Variants in RPS6KA2 observed in about 807,000 individuals in gnomAD.
RPS6KA2 encodes ribosomal protein S6 kinase alpha-2.
A neutral mutation model predicts 91.8 loss-of-function variants in RPS6KA2; 42 were observed. The observed-to-expected ratio is 0.46, with a 90% CI of 0.36 to 0.59. RPS6KA2 has a LOEUF of 0.59. Ranked by LOEUF, RPS6KA2 falls within the 20% of genes least tolerant of loss-of-function variation. The pLI is 0.00. For synonymous variants in RPS6KA2, 414 were observed against 393.6 expected, an observed-to-expected ratio of 1.05 and a Z score of -0.61; for missense variants, 798 against 978.5, an observed-to-expected ratio of 0.82 and a Z score of 2.46.
intron 8 of RPS6KA2, among the ~76,000 whole-genome samples, chr6:166,496,512 A>C (rs1365147453): frequency 6.6e-6 from 1 of 152,074 alleles, no homozygotes; most frequent in East Asian, 1.9e-4. Flanking sequence ...CACAAAACTA[A>C]GTCCAGTTGG....
At chr6:166,663,702 C>T (rs542937607) in intron 2 of RPS6KA2, among the ~76,000 whole-genome samples, 11 of 152,254 alleles carry the variant, frequency 7.2e-5, no homozygotes, top group South Asian at 2.1e-4. Flanking sequence ...CACCCTATCC[C>T]GGAAGGGCCT....
At chr6:166,719,659 A>G (rs1346467539) in intron 2 of RPS6KA2, among the ~76,000 whole-genome samples, 1 of 152,276 alleles carries the variant, frequency 6.6e-6, no homozygotes, top group Non-Finnish European at 1.5e-5. Context: ...CAAAGGAATG[A>G]TTAAATGAAT....
At chr6:166,772,146 A>C (rs942205791) in intron 2 of RPS6KA2, among the ~76,000 whole-genome samples, 1 of 152,192 alleles carries the variant, frequency 6.6e-6, no homozygotes, top group Admixed American at 6.5e-5. Flanking sequence ...TGGTGAGCCT[A>C]TGTGGGGTTT....
Position 166,607,655 on chromosome 6 carries a change from C to T in RPS6KA2, c.99+19266G>A, listed in dbSNP as rs557575606. Among the ~76,000 whole-genome samples, 8 of 151,948 alleles carry T rather than the reference C, an allele frequency of 5.3e-5. No individual in the cohort carries two copies. In the East Asian group the frequency reaches 5.8e-4, roughly 11 times the overall value. On this transcript the variant is annotated intron_variant, in intron 1 of 20. Coordinates refer to ENST00000265678, the MANE Select transcript of RPS6KA2 (RefSeq NM_021135.6). ...GGGGACAGGGTTCTGTTCTGAAGGA[C>T]GAAAACATTACAGATGTGGTAACAG...
intron 2 of RPS6KA2, among the ~76,000 whole-genome samples, chr6:166,813,415 A>C (rs1277460726): frequency 6.6e-6 from 1 of 152,204 alleles, no homozygotes; most frequent in African/African-American, 2.4e-5. Context: ...AAAGGAATTC[A>C]TTCTACATTT....
chr6:166,791,450 A>C (rs1211695022), intron 2 of RPS6KA2, among the ~76,000 whole-genome samples: 1 of 152,166 alleles, frequency 6.6e-6, no homozygotes, highest in African/African-American at 2.4e-5. Context: ...ACATTAGACA[A>C]GTCAACGAGA....
intron 2 of RPS6KA2, among the ~76,000 whole-genome samples, chr6:166,762,039 G>A (rs1222574880): frequency 6.6e-6 from 1 of 152,214 alleles, no homozygotes; most frequent in Non-Finnish European, 1.5e-5. Flanking sequence ...TTGCAGACAG[G>A]AGTGAGAAGC....
At chr6:166,724,937 C>A (rs1317163625) in intron 2 of RPS6KA2, among the ~76,000 whole-genome samples, 1 of 152,146 alleles carries the variant, frequency 6.6e-6, no homozygotes, top group Non-Finnish European at 1.5e-5. Context: ...CCATTCAATA[C>A]CTTTGTATTC....
rs1778600777 is a variant in RPS6KA2, at chr6:166,418,099, A to G, written c.1938+126T>C. ...AGCGAGACTCCATTTCAAGAAAAAA[A>G]AAAAAATATGCTGAGGATAAAATAC... On this transcript the variant is annotated intron_variant, in intron 19 of 20. Coordinates refer to ENST00000265678, the MANE Select transcript of RPS6KA2 (RefSeq NM_021135.6). This position sits in a 1 kb window ranked among gnomAD's most constrained non-coding sequence, Gnocchi z 4.9. The G allele has an allele frequency of 1.4e-6, 1 of 715,694 alleles. No individual in the cohort carries two copies. The highest frequency in any genetic ancestry group is 2.4e-6 in the Non-Finnish European group (1 of 420,868). The allele number at this position is 715,694 out of a possible 1,614,324, so 44.3% of individuals were successfully genotyped here.
chr6:166,677,818 T>C (rs1327389463), intron 2 of RPS6KA2, among the ~76,000 whole-genome samples: 1 of 152,186 alleles, frequency 6.6e-6, no homozygotes, highest in Non-Finnish European at 1.5e-5. Context: ...AAAACAAGAC[T>C]GGCCTGGTCT....
At chr6:166,535,789 T>C (rs970453702) in intron 2 of RPS6KA2, among the ~76,000 whole-genome samples, 2 of 152,264 alleles carry the variant, frequency 1.3e-5, no homozygotes, top group African/African-American at 4.8e-5. Context: ...GGCTGTTTTC[T>C]GTGCTTTTCT....
chr6:166,700,013 C>T (rs1249437038), intron 2 of RPS6KA2, among the ~76,000 whole-genome samples: 2 of 152,218 alleles, frequency 1.3e-5, no homozygotes, highest in African/African-American at 4.8e-5. Flanking sequence ...GCAAACTAAG[C>T]ATCCTGTAAG....
intron 2 of RPS6KA2, among the ~76,000 whole-genome samples, chr6:166,660,490 C>T (rs985286437): frequency 2.0e-5 from 3 of 152,102 alleles, no homozygotes; most frequent in African/African-American, 7.2e-5. Context: ...GCCTGTCACA[C>T]AAGACATCAT....
At chr6:166,842,557 G>A (rs919368284) in intron 2 of RPS6KA2, among the ~76,000 whole-genome samples, 2 of 152,186 alleles carry the variant, frequency 1.3e-5, no homozygotes, top group East Asian at 1.9e-4. Context: ...TAAGCTGCCC[G>A]GTGCATGGAA....
chr6:166,736,087 A>C (rs1238307418), intron 2 of RPS6KA2, among the ~76,000 whole-genome samples: 1 of 152,242 alleles, frequency 6.6e-6, no homozygotes, highest in African/African-American at 2.4e-5. Flanking sequence ...TTTATCACCT[A>C]AGTAAGGCTG....
chr6:166,684,690 C>A (rs1481992456), intron 2 of RPS6KA2, among the ~76,000 whole-genome samples: 1 of 152,210 alleles, frequency 6.6e-6, no homozygotes, highest in East Asian at 1.9e-4. Flanking sequence ...AGGAATCCGG[C>A]AGATGCCGTT....
chr6:166,852,105 T>C lies in RPS6KA2; in HGVS notation c.123+6095A>G, dbSNP rs1435817654. Among the ~76,000 whole-genome samples the C allele has an allele frequency of 1.3e-5, 2 of 152,210 alleles. No homozygotes were observed. The highest frequency in any genetic ancestry group is 2.9e-5 in the Non-Finnish European group (2 of 68,032). On this transcript the variant is annotated intron_variant, in intron 2 of 21. Transcript: ENST00000503859. The surrounding 1 kb of genome is among the most constrained non-coding windows in gnomAD (Gnocchi z 4.1). ...CGCATCACCCGCTTTCCAGGAGGCA[T>C]GATGCTTACCCTACCCTTTTCTAGC...
At chr6:166,451,362 C>G in intron 12 of RPS6KA2, 129 bp from the exon 13 acceptor site, 1 of 835,130 alleles carries the variant, frequency 1.2e-6, no homozygotes, top group Non-Finnish European at 1.8e-6. Flanking sequence ...TGTGTGTGCA[C>G]GTGGCGTATG....
chr6:166,765,803 C>T (rs1362144140), intron 2 of RPS6KA2, among the ~76,000 whole-genome samples: 1 of 152,186 alleles, frequency 6.6e-6, no homozygotes, highest in Admixed American at 6.5e-5. Flanking sequence ...GATGGCAATA[C>T]TCACAGTAAT....
Sources: gnomAD v4.1 joint callset for allele counts (sites outside exome capture counted in the v4.1 genomes callset) on GRCh38, gnomAD v4.1.1 for gene constraint, Gnocchi (gnomAD v3.1) non-coding constraint, MANE v1.5 for transcripts, NCBI Gene and HGNC (gene_info 2026-07-23, HGNC 2026-07-21) for gene names.